SLC35F3: variants seen among roughly 807,000 people sequenced by gnomAD.
The protein encoded by SLC35F3 is solute carrier family 35 member F3.
In SLC35F3, 25 loss-of-function variants were observed where a neutral mutation model predicts 49.9. That is an observed-to-expected ratio of 0.50 (90% CI 0.37 to 0.70). The LOEUF is 0.70. Among genes scored for constraint, SLC35F3 ranks in the 30% least tolerant of loss-of-function variants. The pLI, the probability that SLC35F3 is intolerant of heterozygous loss-of-function variation, is 0.00. For synonymous variants in SLC35F3, 275 were observed against 265.4 expected (o/e 1.04, Z -0.35); for missense variants, 525 against 639.8 (o/e 0.82, Z 1.94).
At chr1:234,289,838 C>G (rs572075031) in intron 3 of SLC35F3, among the ~76,000 whole-genome samples, 52 of 152,300 alleles carry the variant, frequency 3.4e-4, no homozygotes, top group African/African-American at 1.3e-3. Context: ...AAAGTCAAAA[C>G]TTATAAATCA....
At chr1:234,173,326 GA>G (rs1558250145) in intron 2 of SLC35F3, among the ~76,000 whole-genome samples, 3 of 152,192 alleles carry the variant, frequency 2.0e-5, no homozygotes, top group African/African-American at 7.2e-5. Context: ...CAAAAGCCCT[GA>G]AAGGTAGACA....
chr1:234,148,361 A>T (rs1364292400), intron 2 of SLC35F3, among the ~76,000 whole-genome samples: 1 of 152,072 alleles, frequency 6.6e-6, no homozygotes, highest in Non-Finnish European at 1.5e-5. Flanking sequence ...CTTTACCTTT[A>T]TTCTTCCAGA....
intron 3 of SLC35F3, among the ~76,000 whole-genome samples, chr1:234,278,512 AAAAAG>A (rs1397372581): frequency 6.6e-6 from 1 of 151,866 alleles, no homozygotes; most frequent in Non-Finnish European, 1.5e-5. Context: ...AAAACGAAAA[AAAAAG>A]AGAAAAAACT....
chr1:234,258,475 C>T (rs1328778005), intron 3 of SLC35F3, among the ~76,000 whole-genome samples: 2 of 152,220 alleles, frequency 1.3e-5, no homozygotes, highest in South Asian at 2.1e-4. Context: ...TAAACAATGA[C>T]TAGTTATCAT....
At chr1:234,019,606 T>A (rs527872297) in intron 2 of SLC35F3, among the ~76,000 whole-genome samples, 38 of 152,262 alleles carry the variant, frequency 2.5e-4, no homozygotes, top group African/African-American at 8.2e-4. Flanking sequence ...ATTTTGGAAA[T>A]CAATCTGCTT....
At chr1:234,041,319 G>C (rs1664217060) in intron 2 of SLC35F3, among the ~76,000 whole-genome samples, 1 of 152,118 alleles carries the variant, frequency 6.6e-6, no homozygotes, top group Admixed American at 6.6e-5. Flanking sequence ...CATCCTTCTT[G>C]TACTACGTCC....
chr1:234,024,484 A>G (rs1352392129), intron 2 of SLC35F3, among the ~76,000 whole-genome samples: 1 of 152,158 alleles, frequency 6.6e-6, no homozygotes, highest in Non-Finnish European at 1.5e-5. Context: ...TATAAAGAAA[A>G]CAAATTTCTT....
chr1:234,309,067 AAAT>A (rs1197831791), intron 3 of SLC35F3, 31 bp from the exon 4 acceptor site: 5 of 1,595,334 alleles, frequency 3.1e-6, no homozygotes, highest in Non-Finnish European at 4.3e-6. Context: ...GAACCCAGGA[AAAT>A]AATAACGATG....
intron 2 of SLC35F3, among the ~76,000 whole-genome samples, chr1:234,001,854 AT>A (rs1220316925): frequency 4.6e-5 from 7 of 152,304 alleles, no homozygotes; most frequent in Admixed American, 4.6e-4. Context: ...GCACTGAATG[AT>A]TTTCTATTTT....
chr1:234,150,861 A>G (rs903213630), intron 2 of SLC35F3, among the ~76,000 whole-genome samples: 1 of 151,968 alleles, frequency 6.6e-6, no homozygotes, highest in Non-Finnish European at 1.5e-5. Context: ...GAAAGAAGCA[A>G]TGATGGACCC....
intron 2 of SLC35F3, among the ~76,000 whole-genome samples, chr1:234,066,292 A>C (rs1339182586): frequency 2.0e-5 from 3 of 151,910 alleles, no homozygotes; most frequent in Admixed American, 2.0e-4. Context: ...AGCGATTCCC[A>C]TCTTACTCCC....
Position 234,323,405 on chromosome 1 carries a change from G to A in SLC35F3, c.*162G>A, listed in dbSNP as rs931524021. On this transcript the variant is annotated 3_prime_UTR_variant, in exon 8 of 8. Coordinates refer to ENST00000366618, the MANE Select transcript of SLC35F3 (RefSeq NM_173508.4). This position sits in a 1 kb window ranked among gnomAD's most constrained non-coding sequence, Gnocchi z 4.5. ...AATTTGCTTGCACTTTTCCACATCA[G>A]ACCTTCCACTTAAGGGTACCAATTC... 4.5e-5 allele frequency: 28 copies of A among 619,390 alleles called. No individual in the cohort carries two copies. The highest frequency in any genetic ancestry group is 8.0e-5 in the Non-Finnish European group (28 of 351,216). The allele number at this position is 619,390 out of a possible 1,614,324, so 38.4% of individuals were successfully genotyped here. A position where few individuals can be genotyped will look rare whatever the true frequency, so the allele number is the denominator to read the frequency against.
intron 2 of SLC35F3, among the ~76,000 whole-genome samples, chr1:234,164,753 C>A (rs1174183625): frequency 7.6e-6 from 1 of 132,304 alleles, no homozygotes. Flanking sequence ...ATTGCTGGGA[C>A]TTTTCTCAAG....
chr1:234,056,040 C>G (rs954807772), intron 2 of SLC35F3, among the ~76,000 whole-genome samples: 1 of 151,818 alleles, frequency 6.6e-6, no homozygotes, highest in African/African-American at 2.4e-5. Flanking sequence ...TTTTTTAAGT[C>G]TTCATTAAAT....
chr1:234,211,569 G>C (rs1174199487), intron 2 of SLC35F3, among the ~76,000 whole-genome samples: 1 of 152,228 alleles, frequency 6.6e-6, no homozygotes, highest in Admixed American at 6.5e-5. Context: ...AAAGCTTTAA[G>C]ATTCAACTGC....
chr1:234,009,256 G>A (rs560047008), intron 2 of SLC35F3, among the ~76,000 whole-genome samples: 37 of 152,256 alleles, frequency 2.4e-4, no homozygotes, highest in Admixed American at 2.3e-3. Flanking sequence ...GCAAAACACT[G>A]CAGAATTCCA....
chr1:233,926,340 T>C (rs1434835204), intron 2 of SLC35F3, among the ~76,000 whole-genome samples: 1 of 152,206 alleles, frequency 6.6e-6, no homozygotes, highest in African/African-American at 2.4e-5. Context: ...TTCTTTTTAC[T>C]CTTTTTTCTC....
intron 2 of SLC35F3, among the ~76,000 whole-genome samples, chr1:234,142,073 A>G (rs1486946736): frequency 6.6e-6 from 1 of 152,184 alleles, no homozygotes; most frequent in East Asian, 1.9e-4. Flanking sequence ...TAAATGAAAG[A>G]AGGAAGATCA....
intron 2 of SLC35F3, among the ~76,000 whole-genome samples, chr1:234,153,347 G>T (rs935089941): frequency 6.6e-6 from 1 of 152,182 alleles, no homozygotes; most frequent in Non-Finnish European, 1.5e-5. Flanking sequence ...GGTGGCTCAT[G>T]CCTATAATTC....
Sources: allele counts gnomAD v4.1 joint callset (sites outside exome capture counted in the v4.1 genomes callset), GRCh38; gene constraint gnomAD v4.1.1; non-coding constraint Gnocchi (gnomAD v3.1); transcripts MANE v1.5; gene names NCBI Gene and HGNC (gene_info 2026-07-23, HGNC 2026-07-21).